FBXO7: variants seen among roughly 807,000 people sequenced by gnomAD.
FBXO7 encodes the protein F-box protein 7, also known as F-box only protein 7.
Under a neutral mutation model 50.2 loss-of-function variants are expected in FBXO7, and 31 were observed. That is an observed-to-expected ratio of 0.62 (90% CI 0.46 to 0.83). The LOEUF (loss-of-function observed/expected upper bound fraction) is 0.83, where lower values mean the gene tolerates loss of function less well. Ranked by LOEUF, FBXO7 falls within the 40% of genes least tolerant of loss-of-function variation. The pLI, the probability that FBXO7 is intolerant of heterozygous loss-of-function variation, is 0.00. For synonymous variants in FBXO7, 256 were observed against 253.1 expected (o/e 1.01, Z -0.11); for missense variants, 667 against 646.6 (o/e 1.03, Z -0.34).
At chr22:32,496,477 G>A (rs111928041) in intron 8 of FBXO7, among the ~76,000 whole-genome samples, 2 of 142,308 alleles carry the variant, frequency 1.4e-5, no homozygotes, top group Admixed American at 1.4e-4. Context: ...GTGAGACTCT[G>A]TCTCAAAAAA....
chr22:32,490,687 AGTC>A (rs1168645603), intron 5 of FBXO7: 1 of 183,216 alleles, frequency 5.5e-6, no homozygotes, highest in African/African-American at 2.4e-5. Context: ...GCTGATACAT[AGTC>A]ATCATGCGAT....
intron 1 of FBXO7, 64 bp downstream of exon 1, chr22:32,475,188 C>A (rs904550565): frequency 6.5e-5 from 64 of 986,904 alleles, no homozygotes; most frequent in Non-Finnish European, 8.1e-5. Context: ...GGGTGCAGGG[C>A]GGGTTGGCGT....
At chr22:32,493,493 TAAG>T (rs553657918) in intron 7 of FBXO7, among the ~76,000 whole-genome samples, 193 of 152,300 alleles carry the variant, frequency 1.3e-3, no homozygotes, top group African/African-American at 4.3e-3. Flanking sequence ...CTCATTAGAC[TAAG>T]AAGATTATTT....
At chr22:32,475,174 G>C in intron 1 of FBXO7, 50 bp downstream of exon 1, 1 of 1,528,896 alleles carries the variant, frequency 6.5e-7, no homozygotes, top group Non-Finnish European at 8.8e-7. Context: ...GGAGTGCTTG[G>C]GGTGGGTGCA....
intron 1 of FBXO7, among the ~76,000 whole-genome samples, chr22:32,476,118 T>C (rs535039221): frequency 1.3e-5 from 2 of 152,274 alleles, no homozygotes; most frequent in South Asian, 4.1e-4. Context: ...TTGGGTAAAA[T>C]GAGGCCGTTA....
intron 7 of FBXO7, among the ~76,000 whole-genome samples, 196 bp downstream of exon 7, chr22:32,493,477 A>G (rs2057552077): frequency 6.6e-6 from 1 of 152,206 alleles, no homozygotes. Context: ...TGCACAACAC[A>G]AATCACTCAT....
In FBXO7 at chr22:32,493,241, C is replaced by T; in HGVS notation, c.1104C>T (p.Asp368=). 6.2e-7 allele frequency: 1 copy of T among 1,614,076 alleles called. No individual in the cohort carries two copies. The highest frequency in any genetic ancestry group is 1.3e-5 in the African/African-American group (1 of 75,022). ...GTGACCTCTTTACTGCTTCAAATGACCCACTCCTGTGGAGGTTTTTATATC... is the reference window on the plus strand; with the variant it reads ...GTGACCTCTTTACTGCTTCAAATGATCCACTCCTGTGGAGGTTTTTATATC... ...VCRDLFTASN[D]PLLWRFLYLR... The change falls in exon 7 of 9, where the codon GAC becomes GAT. Residue 368 remains aspartate (D), a synonymous_variant. Transcript: ENST00000266087.
Position 32,493,148 on chromosome 22 carries a change from G to A in FBXO7, c.1011G>A (p.Leu337=). The change falls in exon 7 of 9, where the codon TTG becomes TTA. Residue 337 remains leucine, a synonymous_variant. Coordinates refer to ENST00000266087, the MANE Select transcript of FBXO7 (RefSeq NM_012179.4). ...PDVFGLVVLP[L]ELKLRIFRLL... ...TATTTGGGTTGGTCGTCCTCCCATTGGAACTGAAACTACGGATCTTCCGAC... is the reference window on the plus strand; with the variant it reads ...TATTTGGGTTGGTCGTCCTCCCATTAGAACTGAAACTACGGATCTTCCGAC... 2 of 1,614,178 alleles carry A rather than the reference G, an allele frequency of 1.2e-6. No homozygotes were observed. The highest frequency in any genetic ancestry group is 1.1e-5 in the South Asian group (1 of 91,090).
intron 6 of FBXO7, chr22:32,492,691 C>G (rs904318652): frequency 8.4e-6 from 2 of 239,322 alleles, no homozygotes; most frequent in African/African-American, 4.7e-5. Context: ...AATAACTTGT[C>G]CAAAGGCACA....
At chr22:32,492,089 C>G (rs2057541387) in intron 6 of FBXO7, 1 of 152,124 alleles carries the variant, frequency 6.6e-6, no homozygotes, top group Admixed American at 6.5e-5. Context: ...ATGGCCAAGC[C>G]TGATGGTGGT....
chr22:32,486,375 C>A (rs113368065), intron 4 of FBXO7, among the ~76,000 whole-genome samples: 7 of 152,124 alleles, frequency 4.6e-5, no homozygotes, highest in African/African-American at 1.7e-4. Flanking sequence ...GCTCTGTCGC[C>A]CAGGCTGGAG....
chr22:32,486,629 T>C (rs546237074), intron 4 of FBXO7, among the ~76,000 whole-genome samples: 1 of 152,332 alleles, frequency 6.6e-6, no homozygotes, highest in East Asian at 1.9e-4. Context: ...GAACCATGCC[T>C]GGCCTCTTAC....
intron 2 of FBXO7, among the ~76,000 whole-genome samples, chr22:32,479,553 C>T (rs535138358): frequency 3.6e-4 from 55 of 151,938 alleles, no homozygotes; most frequent in African/African-American, 1.3e-3. Context: ...CACACCACCA[C>T]GCCCAGCTAA....
chr22:32,475,535 C>A, intron 1 of FBXO7: 3 of 1,052,168 alleles, frequency 2.9e-6, no homozygotes, highest in South Asian at 1.7e-5. Flanking sequence ...GTGAGGGGTC[C>A]GAGTTAATTT....
rs769794774 is a variant in FBXO7 at position 32,498,202 on chromosome 22, T to C, written c.1241T>C (p.Leu414Pro). The C allele has an allele frequency of 1.2e-6, 2 of 1,614,232 alleles. No individual in the cohort carries two copies. The highest frequency in any genetic ancestry group is 2.2e-5 in the South Asian group (2 of 91,086). Residue 414 changes from leucine to proline, a missense_variant, in exon 9 of 9, where the codon CTC (leucine) becomes CCC (proline). By Grantham distance (98) the Leu-to-Pro change is moderately conservative. Transcript: ENST00000266087. The stretch of plus-strand genomic sequence containing the variant: ...TCCCCGAAAGGGCGGTTTGTGATGC[T>C]CCTGCCATCGTCAACTCACACCATT... Reference protein sequence around the residue: ...KESPKGRFVMLLPSSTHTIPF... With the variant: ...KESPKGRFVMPLPSSTHTIPF...
chr22:32,486,281 T>A (rs538111299), intron 4 of FBXO7, among the ~76,000 whole-genome samples: 1 of 152,212 alleles, frequency 6.6e-6, no homozygotes, highest in East Asian at 1.9e-4. Context: ...TACTGACTCA[T>A]GCCATCTTGA....
In FBXO7 at chr22:32,498,209, A is replaced by G. The variant is rs780131024; in HGVS notation, c.1248A>G (p.Pro416=). The G allele has an allele frequency of 9.3e-6, 15 of 1,614,118 alleles. No homozygotes were observed. In the East Asian group the frequency reaches 2.2e-4, roughly 24 times the overall value. The change falls in exon 9 of 9, where the codon CCA becomes CCG. Residue 416 remains proline (P), a synonymous_variant. Coordinates refer to ENST00000266087, the MANE Select transcript of FBXO7 (RefSeq NM_012179.4). ...SPKGRFVMLL[P]SSTHTIPFYP... ...AAGGGCGGTTTGTGATGCTCCTGCC[A>G]TCGTCAACTCACACCATTCCATTCT...
At chr22:32,497,302 C>T (rs574996879) in intron 8 of FBXO7, among the ~76,000 whole-genome samples, 15 of 152,256 alleles carry the variant, frequency 9.9e-5, no homozygotes, top group African/African-American at 2.9e-4. Flanking sequence ...TTAGCCGTCA[C>T]CTCCCTCCCA....
At chr22:32,496,971 A>G (rs577104188) in intron 8 of FBXO7, among the ~76,000 whole-genome samples, 6 of 152,244 alleles carry the variant, frequency 3.9e-5, no homozygotes, top group African/African-American at 9.6e-5. Context: ...GTTGATTCCA[A>G]TCCTCGTGGA....
Sources: allele counts gnomAD v4.1 joint callset (sites outside exome capture counted in the v4.1 genomes callset), GRCh38; gene constraint gnomAD v4.1.1; transcripts MANE v1.5; gene names NCBI Gene and HGNC (gene_info 2026-07-23, HGNC 2026-07-21).